Variants in CRX observed in about 807,000 individuals in gnomAD.
CRX encodes the protein cone-rod homeobox protein.
CRX carries 5 observed loss-of-function variants against 13.1 expected under a neutral mutation model. The ratio of observed to expected loss-of-function variants is 0.38; its 90% CI spans 0.20 to 0.80. CRX has a LOEUF of 0.80. Ranked by LOEUF, CRX falls within the 30% of genes least tolerant of loss-of-function variation. CRX has a pLI of 0.43. For synonymous variants in CRX, 179 were observed against 171.1 expected (o/e 1.05, Z -0.36); for missense variants, 351 against 391.8 (o/e 0.90, Z 0.88).
intron 1 of CRX, among the ~76,000 whole-genome samples, chr19:47,824,384 C>T (rs541584867): frequency 7.9e-5 from 12 of 152,260 alleles, no homozygotes; most frequent in African/African-American, 2.9e-4. Flanking sequence ...AGGTGCTGGC[C>T]CAGCTCTGGC....
rs574463798 is a variant in CRX at position 47,823,949 on chromosome 19, C to T, written c.-36+1939C>T. ...ACAGGCGTGAGCCACCACACCCGGCCGAGTCTGCGTTTAAATCTTGTTCTT... is the reference window on the plus strand; with the variant it reads ...ACAGGCGTGAGCCACCACACCCGGCTGAGTCTGCGTTTAAATCTTGTTCTT... On this transcript the variant is annotated intron_variant, in intron 1 of 3. Transcript: ENST00000221996. Among the ~76,000 whole-genome samples the T allele has an allele frequency of 1.2e-4, 18 of 152,226 alleles. No homozygotes were observed. The South Asian group carries it at 1.2e-3, about 11-fold the overall frequency.
chr19:47,838,427 TA>T (rs1400568275), intron 3 of CRX, among the ~76,000 whole-genome samples: 2 of 152,260 alleles, frequency 1.3e-5, no homozygotes, highest in Non-Finnish European at 2.9e-5. Flanking sequence ...AATGTGTATA[TA>T]TGTATGATGT....
At chr19:47,833,883 A>T (rs1237066040) in intron 1 of CRX, among the ~76,000 whole-genome samples, 1 of 151,570 alleles carries the variant, frequency 6.6e-6, no homozygotes. Flanking sequence ...TGGCCTGAAC[A>T]CAGCTCACTG....
chr19:47,839,388 C>A lies in CRX; in HGVS notation c.321C>A (p.Pro107=), dbSNP rs774407103. The change falls in exon 4 of 4, where the codon CCC becomes CCA. Residue 107 remains proline, a synonymous_variant. Transcript: ENST00000221996. This position sits in a 1 kb window ranked among gnomAD's most constrained non-coding sequence, Gnocchi z 4.6. ...AGCAGCAGAAACAGCAGCAGCAGCC[C>A]CCAGGGGGCCAGGCCAAGGCCCGGC... ...QRQQQKQQQQ[P]PGGQAKARPA... is the part of the protein sequence containing the mutation. The A allele has an allele frequency of 6.2e-7, 1 of 1,613,632 alleles. No homozygotes were observed. Among genetic ancestry groups the A allele is most frequent in the Non-Finnish European group, 8.5e-7 (1 of 1,179,818 alleles).
chr19:47,835,089 G>A (rs1968100102), intron 2 of CRX, among the ~76,000 whole-genome samples: 1 of 152,072 alleles, frequency 6.6e-6, no homozygotes. Context: ...CGAACTCCTG[G>A]GCTCAAGCGA....
At position 47,834,372 on chromosome 19, in the gene CRX, TG is replaced by T. The variant is rs1449365973; in HGVS notation, c.-35-35del. ...TGCACGTCACCCCATGGTGAGTAAC[TG>T]GTAAGTGAGTGAGCATCCCTCCTCT... is the stretch of plus-strand genomic sequence containing the variant. On this transcript the variant is annotated intron_variant, in intron 1 of 3. Transcript: ENST00000221996. 1.6e-5 allele frequency: 19 copies of T among 1,153,654 alleles called. No individual in the cohort carries two copies. The African/African-American group carries it at 2.9e-4, about 18-fold the overall frequency. 71.5% of individuals were successfully genotyped at this position (1,153,654 alleles called of 1,614,324 possible). A position where few individuals can be genotyped will look rare whatever the true frequency, so the allele number is the denominator to read the frequency against.
intron 3 of CRX, among the ~76,000 whole-genome samples, chr19:47,837,895 T>C (rs187096623): frequency 2.2e-3 from 340 of 152,286 alleles, no homozygotes; most frequent in African/African-American, 7.5e-3. Context: ...TATGTATATA[T>C]GATCAGATGG....
In CRX at chr19:47,841,439, T is replaced by G. The variant is rs562200454; in HGVS notation, c.*1472T>G. 2 of 152,110 alleles carry G rather than the reference T, an allele frequency of 1.3e-5. No individual in the cohort carries two copies. The highest frequency in any genetic ancestry group is 6.6e-5 in the Admixed American group (1 of 15,246). 9.4% of individuals were successfully genotyped at this position (152,110 alleles called of 1,614,324 possible). A position where few individuals can be genotyped will look rare whatever the true frequency, so the allele number is the denominator to read the frequency against. On this transcript the variant is annotated 3_prime_UTR_variant, in exon 4 of 4. Transcript: ENST00000221996. ...GTAGCTGCTTGGGACGTACCACCTA[T>G]AGTTGTGGCTATTTCACAGAGAAGC...
At chr19:47,831,030 C>T (rs958862710) in intron 1 of CRX, among the ~76,000 whole-genome samples, 3 of 151,718 alleles carry the variant, frequency 2.0e-5, no homozygotes, top group East Asian at 2.0e-4. Flanking sequence ...AATAACAGAC[C>T]GGGTGTAGTG....
intron 1 of CRX, among the ~76,000 whole-genome samples, chr19:47,829,562 C>T (rs1415924169): frequency 6.6e-6 from 1 of 152,090 alleles, no homozygotes; most frequent in African/African-American, 2.4e-5. Flanking sequence ...AACTCTTGAC[C>T]TCAGGTGATC....
chr19:47,823,431 G>C (rs1967935904), intron 1 of CRX, among the ~76,000 whole-genome samples: 1 of 152,162 alleles, frequency 6.6e-6, no homozygotes, highest in African/African-American at 2.4e-5. Flanking sequence ...GTTGATCACG[G>C]AGTTGATTTG....
intron 3 of CRX, among the ~76,000 whole-genome samples, 164 bp downstream of exon 3, chr19:47,836,558 C>T (rs771473913): frequency 2.6e-5 from 4 of 152,246 alleles, no homozygotes; most frequent in Non-Finnish European, 5.9e-5. Context: ...CGCCTCATGG[C>T]TCTCATTGCC....
intron 1 of CRX, among the ~76,000 whole-genome samples, chr19:47,823,133 C>T (rs1478259410): frequency 3.3e-5 from 5 of 152,202 alleles, no homozygotes; most frequent in South Asian, 2.1e-4. Flanking sequence ...CCTTGTTTCC[C>T]GTCTGCCCCT....
intron 1 of CRX, among the ~76,000 whole-genome samples, chr19:47,832,929 T>C (rs965224106): frequency 4.6e-5 from 7 of 151,772 alleles, no homozygotes; most frequent in South Asian, 2.1e-4. Flanking sequence ...GCCATGGGAG[T>C]GTGCCTTTCC....
chr19:47,823,488 T>A (rs1967936574), intron 1 of CRX, among the ~76,000 whole-genome samples: 1 of 152,088 alleles, frequency 6.6e-6, no homozygotes, highest in South Asian at 2.1e-4. Flanking sequence ...CCAGGTCTCA[T>A]GGCCGGCAGT....
intron 1 of CRX, among the ~76,000 whole-genome samples, chr19:47,834,094 G>T (rs1038223293): frequency 6.6e-6 from 1 of 151,874 alleles, no homozygotes; most frequent in Non-Finnish European, 1.5e-5. Flanking sequence ...GCCTCCCAAA[G>T]TGCTGGGATG....
In CRX at chr19:47,839,862, T is replaced by C. The variant is rs1291560889; in HGVS notation, c.795T>C (p.Asp265=). ...GCTATGGCGCCTACAGCCCCGTGGA[T>C]AGCTTGGAATTCAAGGACCCCACGG... is the stretch of plus-strand genomic sequence containing the variant. ...GQSYGAYSPV[D]SLEFKDPTGT... The change falls in exon 4 of 4, where the codon GAT becomes GAC. Residue 265 remains aspartate (D), a synonymous_variant. Coordinates refer to ENST00000221996, the MANE Select transcript of CRX (RefSeq NM_000554.6). The surrounding 1 kb of genome is among the most constrained non-coding windows in gnomAD (Gnocchi z 4.6). 6.2e-7 allele frequency: 1 copy of C among 1,614,042 alleles called. No individual in the cohort carries two copies. The highest frequency in any genetic ancestry group is 1.7e-5 in the Admixed American group (1 of 59,990).
chr19:47,825,680 G>T (rs1967966465), intron 1 of CRX, among the ~76,000 whole-genome samples: 1 of 152,028 alleles, frequency 6.6e-6, no homozygotes, highest in African/African-American at 2.4e-5. Flanking sequence ...AGCACTTAGG[G>T]AGGCCGAGGT....
chr19:47,832,105 G>GTTTTTTTTTTTTTTTTTTTTTT (rs71180891), intron 1 of CRX, among the ~76,000 whole-genome samples: 1 of 91,988 alleles, frequency 1.1e-5, no homozygotes, highest in Non-Finnish European at 2.1e-5. Flanking sequence ...GCAGCCTTAT[G>GTTTTTTTTTTTTTTTTTTTTTT]TTTTTTTTTT....
Sources: gnomAD v4.1 joint callset for allele counts (sites outside exome capture counted in the v4.1 genomes callset) on GRCh38, gnomAD v4.1.1 for gene constraint, Gnocchi (gnomAD v3.1) non-coding constraint, MANE v1.5 for transcripts, NCBI Gene and HGNC (gene_info 2026-07-23, HGNC 2026-07-21) for gene names.